FAM120A: variants seen among roughly 807,000 people sequenced by gnomAD.
The protein encoded by FAM120A is family with sequence similarity 120 member A, also known as constitutive coactivator of PPAR-gamma-like protein 1.
In FAM120A, 15 loss-of-function variants were observed where a neutral mutation model predicts 109.7. The observed-to-expected ratio is 0.14, with a 90% CI of 0.09 to 0.21. The LOEUF is 0.21. Ranked by LOEUF, FAM120A falls within the 10% of genes least tolerant of loss-of-function variation. The pLI, the probability that FAM120A is intolerant of heterozygous loss-of-function variation, is 1.00. For missense variants in FAM120A, 899 were observed against 1,439.3 expected (o/e 0.62, Z 6.07); for synonymous variants, 493 against 572.8 (o/e 0.86, Z 1.99).
At position 93,519,494 on chromosome 9, in the gene FAM120A, C is replaced by T. The variant is rs187717596; in HGVS notation, c.1418+3225C>T. Among the ~76,000 whole-genome samples the T allele has an allele frequency of 2.2e-4, 34 of 152,198 alleles. No individual in the cohort carries two copies. In the East Asian group the frequency reaches 5.2e-3, roughly 23 times the overall value. On this transcript the variant is annotated intron_variant, in intron 7 of 17. Coordinates refer to ENST00000277165, the MANE Select transcript of FAM120A (RefSeq NM_014612.5). ...CTGACCTCAGGTGATCCCCCCACCTCGGCCTCCCAAAGTGCTGGGATTACA... is the reference window on the plus strand; with the variant it reads ...CTGACCTCAGGTGATCCCCCCACCTTGGCCTCCCAAAGTGCTGGGATTACA...
chr9:93,562,142 A>G (rs1419001400), intron 16 of FAM120A, 66 bp from the exon 17 acceptor site: 7 of 1,275,806 alleles, frequency 5.5e-6, no homozygotes, highest in Non-Finnish European at 7.9e-6. Flanking sequence ...AAATCATTTG[A>G]TACTATTTTA....
At chr9:93,489,436 T>C (rs536666177) in intron 3 of FAM120A, among the ~76,000 whole-genome samples, 1 of 152,214 alleles carries the variant, frequency 6.6e-6, no homozygotes, top group Non-Finnish European at 1.5e-5. Context: ...CTGGTGGCAC[T>C]TTTTTGTAAA....
At chr9:93,543,924 C>T (rs567088616) in intron 11 of FAM120A, among the ~76,000 whole-genome samples, 4 of 152,224 alleles carry the variant, frequency 2.6e-5, no homozygotes, top group Admixed American at 2.6e-4. Context: ...GTGATTTTGT[C>T]ATTGTGTAAA....
At chr9:93,522,062 G>A (rs922638526) in intron 7 of FAM120A, among the ~76,000 whole-genome samples, 1 of 152,100 alleles carries the variant, frequency 6.6e-6, no homozygotes, top group South Asian at 2.1e-4. Flanking sequence ...CCTGGGCAAC[G>A]GAGTGAGATC....
chr9:93,508,509 C>G (rs960558741), intron 5 of FAM120A, among the ~76,000 whole-genome samples: 7 of 152,224 alleles, frequency 4.6e-5, no homozygotes, highest in African/African-American at 1.7e-4. Context: ...ACCTAGGAGA[C>G]AGCAGGCTGA....
chr9:93,545,780 C>CTTT (rs774150537), intron 11 of FAM120A, among the ~76,000 whole-genome samples: 1,166 of 65,494 alleles, frequency 0.018, 206 homozygotes, highest in African/African-American at 0.067. Context: ...GGAAAGACTC[C>CTTT]TTTTTTTTTT....
chr9:93,478,981 G>A (rs78909519), intron 3 of FAM120A, among the ~76,000 whole-genome samples: 6,898 of 151,600 alleles, frequency 0.046, 266 homozygotes, highest in African/African-American at 0.097. Context: ...TTGAAAATTT[G>A]GATAGTTGTT....
At chr9:93,483,206 G>A (rs897628331) in intron 3 of FAM120A, among the ~76,000 whole-genome samples, 3 of 152,102 alleles carry the variant, frequency 2.0e-5, no homozygotes, top group Non-Finnish European at 2.9e-5. Flanking sequence ...CTCCTTACAT[G>A]TTAGTGTTAA....
intron 1 of FAM120A, among the ~76,000 whole-genome samples, chr9:93,467,975 A>G (rs1255647904): frequency 6.6e-6 from 1 of 151,638 alleles, no homozygotes; most frequent in Non-Finnish European, 1.5e-5. Context: ...TCTGCCTCCC[A>G]GGTTCAAGAG....
At position 93,452,160 on chromosome 9, in the gene FAM120A, C is replaced by T; in HGVS notation, c.245C>T (p.Ala82Val). The change falls in exon 1 of 18, where the codon GCC becomes GTC. Residue 82 changes from alanine (A) to valine (V), a missense_variant. Physicochemically the swap from Ala to Val is moderately conservative, Grantham distance 64. Coordinates refer to ENST00000277165, the MANE Select transcript of FAM120A (RefSeq NM_014612.5). The surrounding 1 kb of genome is among the most constrained non-coding windows in gnomAD (Gnocchi z 7.0). ...ATGCTTGGCTACCTGGCGGCGCTGG[C>T]CAAGGCCTGCTTCGGCGGCAACATC... Reference protein sequence around the residue: ...NHMLGYLAALAKACFGGNIEL... With the variant: ...NHMLGYLAALVKACFGGNIEL... 1 of 1,611,386 alleles carries T rather than the reference C, an allele frequency of 6.2e-7. No homozygotes were observed. The highest frequency in any genetic ancestry group is 8.5e-7 in the Non-Finnish European group (1 of 1,179,670).
At chr9:93,459,200 G>C (rs909045032) in intron 1 of FAM120A, among the ~76,000 whole-genome samples, 1 of 152,202 alleles carries the variant, frequency 6.6e-6, no homozygotes, top group Non-Finnish European at 1.5e-5. Flanking sequence ...ATTCTAGTCT[G>C]TTGTATTGCA....
chr9:93,499,923 G>A (rs539778852), intron 5 of FAM120A, among the ~76,000 whole-genome samples: 18 of 152,350 alleles, frequency 1.2e-4, no homozygotes, highest in African/African-American at 4.1e-4. Flanking sequence ...TAGGAACTGG[G>A]CATTGGAGAT....
chr9:93,471,743 G>A (rs1363113031), intron 2 of FAM120A, among the ~76,000 whole-genome samples: 1 of 152,180 alleles, frequency 6.6e-6, no homozygotes, highest in Non-Finnish European at 1.5e-5. Context: ...TATGTTTATA[G>A]TAGAAGAAAA....
At chr9:93,488,498 C>T (rs1431870452) in intron 3 of FAM120A, among the ~76,000 whole-genome samples, 1 of 152,202 alleles carries the variant, frequency 6.6e-6, no homozygotes, top group South Asian at 2.1e-4. Context: ...TTCTCACACT[C>T]TCCTGGCAGA....
chr9:93,471,014 C>T, intron 1 of FAM120A, 127 bp from the exon 2 acceptor site: 3 of 1,126,488 alleles, frequency 2.7e-6, no homozygotes, highest in African/African-American at 1.6e-5. Flanking sequence ...ATTTTTTTGA[C>T]TGTTTGGCTT....
chr9:93,528,416 C>T (rs1408109618), intron 8 of FAM120A, among the ~76,000 whole-genome samples: 1 of 152,194 alleles, frequency 6.6e-6, no homozygotes, highest in African/African-American at 2.4e-5. Context: ...TTATTTTCAA[C>T]ATTATTCTGA....
chr9:93,464,735 G>A (rs1349604577), intron 1 of FAM120A, among the ~76,000 whole-genome samples: 1 of 152,200 alleles, frequency 6.6e-6, no homozygotes. Flanking sequence ...TACTAGCCTG[G>A]GACTTTCAGC....
chr9:93,479,790 C>T (rs550746240), intron 3 of FAM120A, among the ~76,000 whole-genome samples: 5 of 152,158 alleles, frequency 3.3e-5, no homozygotes, highest in Non-Finnish European at 7.3e-5. Flanking sequence ...TTCATTCATT[C>T]ACTGTAAATT....
At position 93,498,082 on chromosome 9, in the gene FAM120A, C is replaced by A. The variant is rs974488056; in HGVS notation, c.933+483C>A. Among the ~76,000 whole-genome samples, 1 of 152,180 alleles carries A rather than the reference C, an allele frequency of 6.6e-6. No homozygotes were observed. The highest frequency in any genetic ancestry group is 1.5e-5 in the Non-Finnish European group (1 of 68,042). On this transcript the variant is annotated intron_variant, in intron 4 of 17. Transcript: ENST00000277165. This position sits in a 1 kb window ranked among gnomAD's most constrained non-coding sequence, Gnocchi z 4.4. Reference sequence around the variant, plus strand: ...GTAGAATAGGCAAGGCTCTGTGAAACTCCTGCTGTGTCTCTAGAGAGCTGA... The same window carrying A: ...GTAGAATAGGCAAGGCTCTGTGAAAATCCTGCTGTGTCTCTAGAGAGCTGA...
Sources: gnomAD v4.1 joint callset for allele counts (sites outside exome capture counted in the v4.1 genomes callset) on GRCh38, gnomAD v4.1.1 for gene constraint, Gnocchi (gnomAD v3.1) non-coding constraint, MANE v1.5 for transcripts, NCBI Gene and HGNC (gene_info 2026-07-23, HGNC 2026-07-21) for gene names.